SYNCRIP: variants seen among roughly 807,000 people sequenced by gnomAD.
SYNCRIP encodes the protein heterogeneous nuclear ribonucleoprotein Q.
A neutral mutation model predicts 68.9 loss-of-function variants in SYNCRIP; 9 were observed. The ratio of observed to expected loss-of-function variants is 0.13; its 90% CI spans 0.08 to 0.23. SYNCRIP has a LOEUF of 0.23. SYNCRIP is among the 10% of genes least tolerant of loss of function. The probability of loss-of-function intolerance (pLI) is 1.00; values close to 1 mark genes in which losing one functional copy is unlikely to be tolerated. For synonymous variants in SYNCRIP, 258 were observed against 254.0 expected (o/e 1.02, Z -0.15); for missense variants, 414 against 770.6 (o/e 0.54, Z 5.48).
intron 7 of SYNCRIP, among the ~76,000 whole-genome samples, chr6:85,623,579 A>AAAAAACAAAAAAACAAAAC (rs1554184894): frequency 3.2e-5 from 4 of 125,872 alleles, no homozygotes; most frequent in South Asian, 5.1e-4. Context: ...AAAAAAAAAA[A>AAAAAACAAAAAAACAAAAC]AAAACACTCT....
chr6:85,615,819 T>A (rs1255719568), intron 10 of SYNCRIP, among the ~76,000 whole-genome samples: 2 of 152,182 alleles, frequency 1.3e-5, no homozygotes, highest in East Asian at 1.9e-4. Flanking sequence ...CAAAAAAAAA[T>A]TTGTCACTTT....
chr6:85,633,867 G>A (rs1373946733), intron 6 of SYNCRIP, among the ~76,000 whole-genome samples: 1 of 151,972 alleles, frequency 6.6e-6, no homozygotes, highest in Non-Finnish European at 1.5e-5. Context: ...ATCAATCCTT[G>A]CACCTCAGCC....
At chr6:85,612,135 A>G (rs941848116), downstream of SYNCRIP, 2 of 152,168 alleles carry the variant, frequency 1.3e-5, no homozygotes, top group Non-Finnish European at 2.9e-5. Flanking sequence ...TCTGAAACTA[A>G]AGGCAACTAA....
chr6:85,625,723 T>C (rs533009362), intron 6 of SYNCRIP, among the ~76,000 whole-genome samples: 3 of 152,106 alleles, frequency 2.0e-5, no homozygotes, highest in Non-Finnish European at 4.4e-5. Flanking sequence ...CTGAAGAAAT[T>C]GCCTTCCTTC....
chr6:85,609,865 A>C (rs1562064554), downstream of SYNCRIP: 1 of 151,868 alleles, frequency 6.6e-6, no homozygotes, highest in East Asian at 1.9e-4. Context: ...CAATATACAA[A>C]ATTTCTTTTA....
chr6:85,632,900 A>G (rs923868396), intron 6 of SYNCRIP, among the ~76,000 whole-genome samples: 6 of 151,956 alleles, frequency 3.9e-5, no homozygotes, highest in Non-Finnish European at 8.8e-5. Context: ...ATGACACTGC[A>G]CTCCAGCAAG....
intron 6 of SYNCRIP, among the ~76,000 whole-genome samples, chr6:85,632,700 G>A (rs1171245822): frequency 6.6e-6 from 1 of 152,160 alleles, no homozygotes; most frequent in Non-Finnish European, 1.5e-5. Flanking sequence ...CCAGCAATTT[G>A]GGAAGCCAAG....
In SYNCRIP at chr6:85,614,586, G is replaced by T; in HGVS notation, c.*170C>A. 1.6e-6 allele frequency: 2 copies of T among 1,281,082 alleles called. No individual in the cohort carries two copies. Among genetic ancestry groups the T allele is most frequent in the South Asian group, 3.0e-5 (1 of 33,632 alleles). 79.4% of individuals were successfully genotyped at this position (1,281,082 alleles called of 1,614,324 possible). Reference sequence around the variant, plus strand: ...AAAAAATTAAAAATAAAATCAGTTCGCCAGAAGCAGTTAGAAGTGTGGCTT... The same window carrying T: ...AAAAAATTAAAAATAAAATCAGTTCTCCAGAAGCAGTTAGAAGTGTGGCTT... On this transcript the variant is annotated 3_prime_UTR_variant, in exon 11 of 11. Coordinates refer to ENST00000369622, the MANE Select transcript of SYNCRIP (RefSeq NM_006372.5).
At chr6:85,627,675 T>TA (rs1451231474) in intron 6 of SYNCRIP, among the ~76,000 whole-genome samples, 3 of 152,138 alleles carry the variant, frequency 2.0e-5, no homozygotes, top group Admixed American at 2.0e-4. Context: ...TACAGTGGTA[T>TA]AAAAAAACGA....
At position 85,613,982 on chromosome 6, in the gene SYNCRIP, C is replaced by T. The variant is rs943508033; in HGVS notation, c.*774G>A. The T allele has an allele frequency of 3.1e-6, 3 of 983,560 alleles. No individual in the cohort carries two copies. Among genetic ancestry groups the T allele is most frequent in the African/African-American group, 1.7e-5 (1 of 57,196 alleles). The allele number at this position is 983,560 out of a possible 1,614,324, so 60.9% of individuals were successfully genotyped here. A position where few individuals can be genotyped will look rare whatever the true frequency, so the allele number is the denominator to read the frequency against. On this transcript the variant is annotated 3_prime_UTR_variant, in exon 11 of 11. Transcript: ENST00000369622. ...AATACTTACCAACTTAAACTTACTA[C>T]ATGTATTATCTTTTTATTTTTGATG... is the stretch of plus-strand genomic sequence containing the variant.
At chr6:85,612,496 C>A, downstream of SYNCRIP, 1 of 160,998 alleles carries the variant, frequency 6.2e-6, no homozygotes, top group Non-Finnish European at 1.4e-5. Context: ...TTTAAATGCA[C>A]AAATTCAAGA....
At position 85,613,984 on chromosome 6, in the gene SYNCRIP, T is replaced by C. The variant is rs1805490957; in HGVS notation, c.*772A>G. On this transcript the variant is annotated 3_prime_UTR_variant, in exon 11 of 11. Transcript: ENST00000369622. ...TACTTACCAACTTAAACTTACTACATGTATTATCTTTTTATTTTTGATGGG... is the reference window on the plus strand; with the variant it reads ...TACTTACCAACTTAAACTTACTACACGTATTATCTTTTTATTTTTGATGGG... 6.1e-6 allele frequency: 6 copies of C among 983,686 alleles called. No homozygotes were observed. The highest frequency in any genetic ancestry group is 7.2e-6 in the Non-Finnish European group (6 of 828,292). The allele number at this position is 983,686 out of a possible 1,614,324, so 60.9% of individuals were successfully genotyped here.
In SYNCRIP at chr6:85,640,520, A is replaced by G; in HGVS notation, c.193T>C (p.Leu65=). Residue 65 remains leucine, a synonymous_variant, in exon 3 of 11, where the codon TTA becomes CTA. Transcript: ENST00000369622. The part of the protein sequence containing the change: ...SDLDERAIEA[L]KEFNEDGALA... ...GCACCGTCTTCATTGAATTCTTTTA[A>G]AGCTTCAATAGCTCTTTCATCTAAA... is the stretch of plus-strand genomic sequence containing the variant. 6.2e-7 allele frequency: 1 copy of G among 1,607,482 alleles called. No individual in the cohort carries two copies. Among genetic ancestry groups the G allele is most frequent in the East Asian group, 2.2e-5 (1 of 44,768 alleles).
At position 85,615,293 on chromosome 6, in the gene SYNCRIP, A is replaced by G. The variant is rs1184956196; in HGVS notation, c.1335T>C (p.Gly445=). ...GPPHMPPPTR[G]RGRGGRGGYG... ...AACCACCTCTACCTCCACGCCCTCG[A>G]CCTCTTGTTGGAGGGGGCATATGAG... is the stretch of plus-strand genomic sequence containing the variant. Residue 445 remains glycine (G), a synonymous_variant, in exon 11 of 11, where the codon GGT becomes GGC. Transcript: ENST00000369622. 1 of 1,577,620 alleles carries G rather than the reference A, an allele frequency of 6.3e-7. No homozygotes were observed. Among genetic ancestry groups the G allele is most frequent in the African/African-American group, 1.3e-5 (1 of 74,238 alleles).
intron 6 of SYNCRIP, 35 bp downstream of exon 6, chr6:85,636,932 A>C: frequency 6.4e-7 from 1 of 1,553,652 alleles, no homozygotes; most frequent in South Asian, 1.2e-5. Context: ...AAGACAGTGA[A>C]CGTGAAAACT....
At chr6:85,608,933 G>A (rs188153659) in exon 12 of SYNCRIP, 3 of 152,072 alleles carry the variant, frequency 2.0e-5, no homozygotes, top group African/African-American at 4.8e-5. Flanking sequence ...GTTAAAAAAT[G>A]CCTGTGAGCA....
At chr6:85,609,923 A>C (rs1805113395), downstream of SYNCRIP, 1 of 151,930 alleles carries the variant, frequency 6.6e-6, no homozygotes, top group Non-Finnish European at 1.5e-5. Flanking sequence ...AGAACCCATA[A>C]ACAAATCACA....
chr6:85,608,025 G>A (rs561621654), downstream of SYNCRIP: 2 of 152,170 alleles, frequency 1.3e-5, no homozygotes, highest in African/African-American at 4.8e-5. Context: ...ATATTGGCAA[G>A]TCCCCGATTC....
At chr6:85,610,531 T>C (rs777552487), downstream of SYNCRIP, 3 of 152,066 alleles carry the variant, frequency 2.0e-5, no homozygotes, top group Admixed American at 6.5e-5. Context: ...AGAACACATT[T>C]GTGAACTCAC....
Sources: allele counts gnomAD v4.1 joint callset (sites outside exome capture counted in the v4.1 genomes callset), GRCh38; gene constraint gnomAD v4.1.1; transcripts MANE v1.5; gene names NCBI Gene and HGNC (gene_info 2026-07-23, HGNC 2026-07-21).